Variants in PTPRN2 observed in about 807,000 individuals in gnomAD.
The protein encoded by PTPRN2 is receptor-type tyrosine-protein phosphatase N2.
In PTPRN2, 74 loss-of-function variants were observed where a neutral mutation model predicts 118.8. The ratio of observed to expected loss-of-function variants is 0.62; its 90% confidence interval spans 0.52 to 0.76. The LOEUF is 0.76. Among genes scored for constraint, PTPRN2 ranks in the 30% least tolerant of loss-of-function variants. PTPRN2 has a pLI of 0.00. For synonymous variants in PTPRN2, 641 were observed against 608.0 expected (o/e 1.05, Z -0.80); for missense variants, 1,481 against 1,394.4 (o/e 1.06, Z -0.99).
chr7:158,029,445 AAG>A (rs1451628595), intron 11 of PTPRN2: 2 of 152,270 alleles, frequency 1.3e-5, no homozygotes, highest in Non-Finnish European at 1.5e-5. Context: ...GAAGAAAAAG[AAG>A]AGATATGTGT....
At chr7:158,034,326 T>C (rs1807932419) in intron 11 of PTPRN2, among the ~76,000 whole-genome samples, 1 of 152,222 alleles carries the variant, frequency 6.6e-6, no homozygotes, top group Non-Finnish European at 1.5e-5. Context: ...GTGTCCCCAC[T>C]CAAATCTCTT....
chr7:157,996,253 G>A lies in PTPRN2; in HGVS notation c.1723+85045C>T, dbSNP rs118117919. On this transcript the variant is annotated intron_variant, in intron 11 of 22. Transcript: ENST00000389418. The stretch of plus-strand genomic sequence containing the variant: ...ACATGCGTGCATGGATGTAGCACAT[G>A]GGACAATGGACGCTGCAGACCCGGG... Among the ~76,000 whole-genome samples the A allele has an allele frequency of 3.1e-3, 471 of 152,340 alleles. 1 individual carries two copies. Among genetic ancestry groups the A allele is most frequent in the Middle Eastern group, 0.014 (4 of 294 alleles).
intron 1 of PTPRN2, among the ~76,000 whole-genome samples, chr7:158,514,669 C>T (rs1823408708): frequency 6.6e-6 from 1 of 152,248 alleles, no homozygotes; most frequent in Admixed American, 6.5e-5. Context: ...TTTCCAAACA[C>T]ATCATCCATC....
At chr7:157,552,280 G>T (rs1363171265) in intron 21 of PTPRN2, among the ~76,000 whole-genome samples, 1 of 152,166 alleles carries the variant, frequency 6.6e-6, no homozygotes, top group African/African-American at 2.4e-5. Flanking sequence ...ATAGCTTCCC[G>T]ATAAAAATAA....
chr7:158,501,781 A>T (rs1822380490), intron 1 of PTPRN2, among the ~76,000 whole-genome samples: 1 of 152,126 alleles, frequency 6.6e-6, no homozygotes. Flanking sequence ...AGTTTTATTT[A>T]TTGAGGATAT....
At chr7:158,428,817 T>G (rs940101037) in intron 2 of PTPRN2, among the ~76,000 whole-genome samples, 9 of 152,214 alleles carry the variant, frequency 5.9e-5, no homozygotes, top group Non-Finnish European at 7.3e-5. Flanking sequence ...CTCGCTTCTT[T>G]CAGGGTCTTT....
At chr7:158,455,040 C>T (rs1818366790) in intron 2 of PTPRN2, among the ~76,000 whole-genome samples, 1 of 152,230 alleles carries the variant, frequency 6.6e-6, no homozygotes, top group South Asian at 2.1e-4. Flanking sequence ...CAGGAAAACC[C>T]AAGAAATGGC....
intron 12 of PTPRN2, among the ~76,000 whole-genome samples, chr7:157,750,514 G>C (rs1801399185): frequency 6.6e-6 from 1 of 152,242 alleles, no homozygotes; most frequent in Non-Finnish European, 1.5e-5. Context: ...GTAACATGGA[G>C]CTGCTGGAGA....
intron 15 of PTPRN2, among the ~76,000 whole-genome samples, chr7:157,608,798 T>C (rs1049785723): frequency 6.6e-6 from 1 of 152,150 alleles, no homozygotes. Context: ...TCCCTTCTGT[T>C]GTCAAATGAA....
intron 11 of PTPRN2, among the ~76,000 whole-genome samples, chr7:158,041,388 A>G (rs1808456606): frequency 1.3e-5 from 2 of 152,240 alleles, no homozygotes; most frequent in Non-Finnish European, 1.5e-5. Context: ...CCATAATCCC[A>G]GCACCTTGGG....
At chr7:157,662,509 G>A (rs957652278) in intron 13 of PTPRN2, among the ~76,000 whole-genome samples, 4 of 152,204 alleles carry the variant, frequency 2.6e-5, no homozygotes, top group Non-Finnish European at 5.9e-5. Flanking sequence ...GCGTTCGTGG[G>A]AAGGGGTGCC....
In PTPRN2 at chr7:158,090,075, GATGAAAGAGGGGGTCTTCACACACATCCT is replaced by G. The variant is rs1449420743; in HGVS notation, c.1644-8727_1644-8699del. Reference sequence around the variant, plus strand: ...TCTTCACACAAACCCTTCCTCCCCTGATGAAAGAGGGGGTCTTCACACACATCCTTCTTCCCCTGACAAAAGAGGGAGTC... The same window carrying G: ...TCTTCACACAAACCCTTCCTCCCCTGTCTTCCCCTGACAAAAGAGGGAGTC... On this transcript the variant is annotated intron_variant, in intron 10 of 22. Coordinates refer to ENST00000389418, the MANE Select transcript of PTPRN2 (RefSeq NM_002847.5). Among the ~76,000 whole-genome samples the G allele has an allele frequency of 2.6e-5, 3 of 114,034 alleles. 1 individual carries two copies. The highest frequency in any genetic ancestry group is 7.5e-4 in the South Asian group (2 of 2,656). The allele number at this position is 114,034 out of a possible 152,430, so 74.8% of individuals were successfully genotyped here. A position where few individuals can be genotyped will look rare whatever the true frequency, so the allele number is the denominator to read the frequency against.
Position 157,929,241 on chromosome 7 carries a change from C to T in PTPRN2, c.1724-30504G>A, listed in dbSNP as rs1020759608. Among the ~76,000 whole-genome samples the T allele has an allele frequency of 1.3e-5, 2 of 152,138 alleles. No homozygotes were observed. Among genetic ancestry groups the T allele is most frequent in the South Asian group, 2.1e-4 (1 of 4,826 alleles). On this transcript the variant is annotated intron_variant, in intron 11 of 22. Transcript: ENST00000389418. This position sits in a 1 kb window ranked among gnomAD's most constrained non-coding sequence, Gnocchi z 4.4. ...ATGACCCCCTCCCCATAACCCACAG[C>T]CCCTCTTCCCCAGTACGCCGTGGCA...
intron 11 of PTPRN2, among the ~76,000 whole-genome samples, chr7:157,968,466 T>C (rs1285233127): frequency 6.6e-6 from 1 of 152,104 alleles, no homozygotes; most frequent in African/African-American, 2.4e-5. Flanking sequence ...GTGAAAACTT[T>C]CGGTTTTCAA....
At chr7:157,778,716 G>A (rs1803491876) in intron 12 of PTPRN2, among the ~76,000 whole-genome samples, 1 of 151,854 alleles carries the variant, frequency 6.6e-6, no homozygotes, top group South Asian at 2.1e-4. Context: ...ATGTAAACAT[G>A]TCCACCTGAA....
intron 14 of PTPRN2, among the ~76,000 whole-genome samples, chr7:157,628,240 T>A (rs1803707369): frequency 6.6e-6 from 1 of 152,236 alleles, no homozygotes; most frequent in Non-Finnish European, 1.5e-5. Flanking sequence ...TGAGGGAGAA[T>A]GTGTTCACAA....
intron 10 of PTPRN2, among the ~76,000 whole-genome samples, chr7:158,095,684 C>T (rs373911961): frequency 7.2e-5 from 11 of 152,284 alleles, no homozygotes; most frequent in South Asian, 2.1e-4. Flanking sequence ...TCACTGATGA[C>T]GCATGATTGA....
In PTPRN2 at chr7:158,150,662, C is replaced by A. The variant is rs1437472358; in HGVS notation, c.911-12147G>T. ...TCTAATTCCACCCTTGTGAACATAA[C>A]CCAGGGGGGTCACTGAGGTGAGATC... On this transcript the variant is annotated intron_variant, in intron 6 of 22. Transcript: ENST00000389418. Among the ~76,000 whole-genome samples, 5 of 152,072 alleles carry A rather than the reference C, an allele frequency of 3.3e-5. No homozygotes were observed. The East Asian group carries it at 7.7e-4, about 23-fold the overall frequency.
At chr7:157,559,424 T>C (rs1432971202) in intron 21 of PTPRN2, among the ~76,000 whole-genome samples, 3 of 151,788 alleles carry the variant, frequency 2.0e-5, no homozygotes, top group Non-Finnish European at 4.4e-5. Flanking sequence ...CAGAACACAC[T>C]GGCGGGGGCT....
Sources: allele counts gnomAD v4.1 joint callset (sites outside exome capture counted in the v4.1 genomes callset), GRCh38; gene constraint gnomAD v4.1.1; non-coding constraint Gnocchi (gnomAD v3.1); transcripts MANE v1.5; gene names NCBI Gene and HGNC (gene_info 2026-07-23, HGNC 2026-07-21).